The following TENM3 variants were observed in gnomAD, a reference collection of about 807,000 sequenced individuals.
TENM3 encodes teneurin transmembrane protein 3, also known as teneurin-3.
TENM3 carries 63 observed loss-of-function variants against 255.1 expected under a neutral mutation model. That is an observed-to-expected ratio of 0.25 (90% confidence interval 0.20 to 0.30). The LOEUF is 0.30. Among genes scored for constraint, TENM3 ranks in the 10% least tolerant of loss-of-function variants. The pLI, the probability that TENM3 is intolerant of heterozygous loss-of-function variation, is 1.00. For synonymous variants in TENM3, 1,306 were observed against 1,322.3 expected (o/e 0.99, Z 0.27); for missense variants, 2,929 against 3,461.1 (o/e 0.85, Z 3.86).
intron 3 of TENM3, among the ~76,000 whole-genome samples, chr4:182,527,716 G>T (rs73004807): frequency 0.24 from 36,035 of 147,894 alleles, 5,743 homozygotes; most frequent in African/African-American, 0.45. Context: ...TGTTTTTTTT[G>T]GTTGTTGTTG....
the TENM3 span, among the ~76,000 whole-genome samples, chr4:181,569,546 G>C: frequency 1.3e-5 from 2 of 152,052 alleles, no homozygotes; most frequent in South Asian, 4.1e-4. Context: ...CTGGATTTCT[G>C]TCTTGCATGC....
chr4:182,372,325 G>A (rs1386383592), intron 3 of TENM3, among the ~76,000 whole-genome samples: 8 of 152,084 alleles, frequency 5.3e-5, no homozygotes, highest in Admixed American at 5.2e-4. Flanking sequence ...ACATAAACCA[G>A]TAGTCTGTGT....
At chr4:182,374,663 T>C (rs1260141357) in intron 3 of TENM3, among the ~76,000 whole-genome samples, 1 of 152,202 alleles carries the variant, frequency 6.6e-6, no homozygotes, top group Non-Finnish European at 1.5e-5. Flanking sequence ...AAACGATTTA[T>C]TTCAAAACTT....
the TENM3 span, among the ~76,000 whole-genome samples, chr4:181,797,107 T>C: frequency 6.6e-6 from 1 of 152,078 alleles, no homozygotes; most frequent in African/African-American, 2.4e-5. Context: ...CCTCCCCTTT[T>C]CTTTGTACAT....
chr4:182,503,553 A>G (rs1736526452), intron 3 of TENM3, among the ~76,000 whole-genome samples: 2 of 152,308 alleles, frequency 1.3e-5, no homozygotes, highest in South Asian at 4.2e-4. Flanking sequence ...TGTATTACTT[A>G]AGGATTGCAG....
At chr4:182,033,128 T>C in the TENM3 span, among the ~76,000 whole-genome samples, 5 of 152,262 alleles carry the variant, frequency 3.3e-5, no homozygotes, top group East Asian at 9.7e-4. Context: ...CTTTTAGTTT[T>C]GATGTTTGGA....
At chr4:181,896,427 T>A in the TENM3 span, among the ~76,000 whole-genome samples, 1 of 152,312 alleles carries the variant, frequency 6.6e-6, no homozygotes, top group South Asian at 2.1e-4. Context: ...TTAAAAGAAC[T>A]GAAAAGTCTT....
At chr4:182,615,046 C>CATACACATATATATAT (rs376247638) in intron 4 of TENM3, among the ~76,000 whole-genome samples, 2 of 112,058 alleles carry the variant, frequency 1.8e-5, no homozygotes, top group African/African-American at 6.2e-5. Context: ...AAAAAAAATA[C>CATACACATATATATAT]ATATATATAT....
At chr4:182,038,742 TA>T in the TENM3 span, among the ~76,000 whole-genome samples, 3 of 152,158 alleles carry the variant, frequency 2.0e-5, no homozygotes, top group African/African-American at 7.2e-5. Flanking sequence ...TTATTATGAT[TA>T]TTTTTTTGAG....
At chr4:181,598,575 G>A in the TENM3 span, among the ~76,000 whole-genome samples, 288 of 151,586 alleles carry the variant, frequency 1.9e-3, 8 homozygotes, top group East Asian at 0.052. Context: ...TTTGACAAAG[G>A]TAAACATCTG....
chr4:182,232,017 A>T (rs924596616), intron 1 of TENM3, among the ~76,000 whole-genome samples: 5 of 152,204 alleles, frequency 3.3e-5, no homozygotes, highest in Non-Finnish European at 7.3e-5. Context: ...CCTGCTAACT[A>T]GAGGTACAAT....
chr4:181,529,605 A>T, the TENM3 span, among the ~76,000 whole-genome samples: 2 of 152,222 alleles, frequency 1.3e-5, no homozygotes, highest in South Asian at 2.1e-4. Flanking sequence ...ATTCCTAATG[A>T]CACCAGATAA....
chr4:182,463,922 G>A (rs545293279), intron 3 of TENM3, among the ~76,000 whole-genome samples: 3 of 151,788 alleles, frequency 2.0e-5, no homozygotes, highest in African/African-American at 7.3e-5. Context: ...GTGCCCAGCC[G>A]TAGTATCACT....
the TENM3 span, among the ~76,000 whole-genome samples, chr4:181,473,993 T>C: frequency 1.3e-5 from 2 of 151,790 alleles, no homozygotes; most frequent in African/African-American, 4.8e-5. Context: ...ATTTTAAAAA[T>C]TTTAAAATAC....
At chr4:182,261,351 G>A (rs1429871069) in intron 1 of TENM3, among the ~76,000 whole-genome samples, 1 of 152,104 alleles carries the variant, frequency 6.6e-6, no homozygotes, top group Non-Finnish European at 1.5e-5. Flanking sequence ...AATGAACATT[G>A]CCCTTCAGAG....
At chr4:182,740,260 A>G (rs10021016) in intron 18 of TENM3, among the ~76,000 whole-genome samples, 30,845 of 152,188 alleles carry the variant, frequency 0.2, 3,565 homozygotes, top group Non-Finnish European at 0.26. Context: ...CTAGTGCCAC[A>G]TGCAGCACAC....
chr4:181,521,068 G>T, the TENM3 span, among the ~76,000 whole-genome samples: 1 of 152,132 alleles, frequency 6.6e-6, no homozygotes, highest in African/African-American at 2.4e-5. Flanking sequence ...CTCCTCAATG[G>T]GAAGCTGATA....
intron 3 of TENM3, among the ~76,000 whole-genome samples, chr4:182,535,501 G>A (rs999685018): frequency 9.9e-5 from 15 of 152,072 alleles, no homozygotes; most frequent in African/African-American, 3.6e-4. Context: ...TTGCGAAGAT[G>A]AGGTGGAAGG....
chr4:181,515,429 T>C, the TENM3 span, among the ~76,000 whole-genome samples: 1 of 152,122 alleles, frequency 6.6e-6, no homozygotes. Context: ...CCAATTTGCA[T>C]TGAAAAGATC....
Sources: allele counts gnomAD v4.1 joint callset (sites outside exome capture counted in the v4.1 genomes callset), GRCh38; gene constraint gnomAD v4.1.1; transcripts MANE v1.5; gene names NCBI Gene and HGNC (gene_info 2026-07-23, HGNC 2026-07-21).